Variants in MICU1 observed in about 807,000 individuals in gnomAD.
The protein encoded by MICU1 is calcium uptake protein 1, mitochondrial.
In MICU1, 45 loss-of-function variants were observed where a neutral mutation model predicts 56.8. The ratio of observed to expected loss-of-function variants is 0.79; its 90% CI spans 0.62 to 1.02. The LOEUF (loss-of-function observed/expected upper bound fraction) is 1.02. Among genes scored for constraint, MICU1 ranks in the 50% least tolerant of loss-of-function variants. MICU1 has a pLI of 0.00. For synonymous variants in MICU1, 186 were observed against 195.1 expected, an observed-to-expected ratio of 0.95 and a Z score of 0.39; for missense variants, 504 against 587.1, an observed-to-expected ratio of 0.86 and a Z score of 1.46.
intron 1 of MICU1, among the ~76,000 whole-genome samples, chr10:72,601,161 C>T (rs1016368338): frequency 4.6e-5 from 7 of 152,032 alleles, no homozygotes; most frequent in Admixed American, 2.0e-4. Context: ...GTGGTTCAGA[C>T]CTGTAATCCC....
At chr10:72,492,123 G>A (rs981718056) in intron 6 of MICU1, among the ~76,000 whole-genome samples, 1 of 152,154 alleles carries the variant, frequency 6.6e-6, no homozygotes, top group African/African-American at 2.4e-5. Context: ...AAAAGGAATG[G>A]TGGTTAGACT....
chr10:72,601,428 T>TAA (rs77385847), intron 1 of MICU1, among the ~76,000 whole-genome samples: 41 of 90,990 alleles, frequency 4.5e-4, no homozygotes, highest in South Asian at 3.7e-3. Context: ...ACCCTGTCTT[T>TAA]AAAAAAAAAA....
In MICU1 at chr10:72,551,178, C is replaced by T. The variant is rs375775506; in HGVS notation, c.493+1G>A. ...TCTTATATTTCACTTTAGCAACTTA[C>T]GTTCTGGTTGTTTTTCATTGGGTGT... is the stretch of plus-strand genomic sequence containing the variant. On this transcript the variant is annotated splice_donor_variant, in intron 4 of 11. Coordinates refer to ENST00000361114, the MANE Select transcript of MICU1 (RefSeq NM_001195518.2). LOFTEE classifies it high-confidence loss of function. 1.0e-5 allele frequency: 16 copies of T among 1,595,726 alleles called. No homozygotes were observed. Among genetic ancestry groups the T allele is most frequent in the African/African-American group, 9.5e-5 (7 of 73,844 alleles).
intron 6 of MICU1, among the ~76,000 whole-genome samples, chr10:72,486,561 T>A (rs1866482075): frequency 6.6e-6 from 1 of 152,208 alleles, no homozygotes; most frequent in Non-Finnish European, 1.5e-5. Context: ...AACTTCTGCC[T>A]CCTGGGTTCA....
intron 5 of MICU1, among the ~76,000 whole-genome samples, chr10:72,526,932 CA>C (rs57033966): frequency 6.6e-4 from 84 of 127,608 alleles, no homozygotes; most frequent in East Asian, 2.6e-3. Flanking sequence ...GTAATGGCTT[CA>C]AAAAAAAAAA....
intron 2 of MICU1, among the ~76,000 whole-genome samples, chr10:72,566,296 T>C (rs550547618): frequency 1.3e-5 from 2 of 152,174 alleles, no homozygotes; most frequent in African/African-American, 4.8e-5. Flanking sequence ...TCCAACCACC[T>C]TGGGCTCCCA....
At chr10:72,491,264 T>A (rs1181907845) in intron 6 of MICU1, among the ~76,000 whole-genome samples, 1 of 152,218 alleles carries the variant, frequency 6.6e-6, no homozygotes, top group Admixed American at 6.5e-5. Flanking sequence ...TTTCTTTTCA[T>A]TAGAATCAAA....
intron 8 of MICU1, 102 bp from the exon 9 acceptor site, chr10:72,423,473 A>C: frequency 7.4e-7 from 1 of 1,344,894 alleles, no homozygotes; most frequent in South Asian, 1.5e-5. Context: ...ATAGCTGATG[A>C]CTGGGACTAT....
At chr10:72,420,872 C>T (rs1179081125) in intron 9 of MICU1, among the ~76,000 whole-genome samples, 1 of 149,970 alleles carries the variant, frequency 6.7e-6, no homozygotes, top group African/African-American at 2.5e-5. Context: ...GACAAGGTTT[C>T]GCCACTTTGC....
chr10:72,425,779 A>G (rs1473585364), intron 8 of MICU1, among the ~76,000 whole-genome samples: 1 of 152,112 alleles, frequency 6.6e-6, no homozygotes, highest in African/African-American at 2.4e-5. Context: ...GTTTTTCTTT[A>G]CACGCAAAAC....
At chr10:72,441,615 C>CTTTTTTTT (rs71018287) in intron 8 of MICU1, among the ~76,000 whole-genome samples, 6 of 105,490 alleles carry the variant, frequency 5.7e-5, no homozygotes, top group Non-Finnish European at 1.1e-4. Flanking sequence ...TTTAATTTTT[C>CTTTTTTTT]TTTTTTTTTT....
chr10:72,558,617 C>T lies in MICU1; in HGVS notation c.330+4278G>A, dbSNP rs374571164. On this transcript the variant is annotated intron_variant, in intron 3 of 11. Coordinates refer to ENST00000361114, the MANE Select transcript of MICU1 (RefSeq NM_001195518.2). ...ATTTTCCGCAGCTTTGCCCCAGAAC[C>T]TTTGCCAAACTGTTGTTGGGTTCAG... Among the ~76,000 whole-genome samples the T allele has an allele frequency of 1.3e-4, 20 of 152,230 alleles. No individual in the cohort carries two copies. In the East Asian group the frequency reaches 3.5e-3, roughly 26 times the overall value.
chr10:72,537,725 A>G, intron 4 of MICU1, among the ~76,000 whole-genome samples: 1 of 110,386 alleles, frequency 9.1e-6, no homozygotes, highest in Non-Finnish European at 2.7e-5. Flanking sequence ...CACCCAAAAT[A>G]CTATAAATAT....
chr10:72,527,012 G>C (rs575254916), intron 5 of MICU1, among the ~76,000 whole-genome samples: 2 of 151,760 alleles, frequency 1.3e-5, no homozygotes, highest in African/African-American at 4.8e-5. Context: ...AATGGAGCCA[G>C]TAACAGTAAA....
chr10:72,625,972 T>C (rs1842218625), intron 1 of MICU1, 38 bp downstream of exon 1: 3 of 152,444 alleles, frequency 2.0e-5, no homozygotes, highest in African/African-American at 7.2e-5. Context: ...CTTCCCTAAA[T>C]TGCTGTCTCC....
chr10:72,604,190 A>C (rs1051302472), intron 1 of MICU1, among the ~76,000 whole-genome samples: 7 of 151,496 alleles, frequency 4.6e-5, no homozygotes, highest in African/African-American at 1.7e-4. Context: ...CAATCTCTCT[A>C]TATTTATATT....
chr10:72,368,136 A>G lies in MICU1; in HGVS notation c.*59T>C, dbSNP rs977093515. 9.1e-6 allele frequency: 14 copies of G among 1,545,198 alleles called. No individual in the cohort carries two copies. Among genetic ancestry groups the G allele is most frequent in the Non-Finnish European group, 1.2e-5 (14 of 1,133,694 alleles). Reference sequence around the variant, plus strand: ...CAGCAGCACAAAGGGCTCTGCCGAGACTCTGCGGAGGGGGTCCAGGGTACT... The same window carrying G: ...CAGCAGCACAAAGGGCTCTGCCGAGGCTCTGCGGAGGGGGTCCAGGGTACT... On this transcript the variant is annotated 3_prime_UTR_variant, in exon 12 of 12. Transcript: ENST00000361114.
intron 8 of MICU1, among the ~76,000 whole-genome samples, chr10:72,427,733 AATATATAT>A (rs58696519): frequency 0.023 from 3,115 of 136,202 alleles, 126 homozygotes; most frequent in African/African-American, 0.081. Context: ...CCATCTCTAA[AATATATAT>A]ATATATATAT....
At chr10:72,470,805 C>T (rs576746192) in intron 8 of MICU1, among the ~76,000 whole-genome samples, 1 of 152,258 alleles carries the variant, frequency 6.6e-6, no homozygotes, top group African/African-American at 2.4e-5. Context: ...TTACAGAACA[C>T]TTACTACATG....
Sources: gnomAD v4.1 joint callset for allele counts (sites outside exome capture counted in the v4.1 genomes callset) on GRCh38, gnomAD v4.1.1 for gene constraint, MANE v1.5 for transcripts, NCBI Gene and HGNC (gene_info 2026-07-23, HGNC 2026-07-21) for gene names.